The following PDE1C variants were observed in gnomAD, a reference collection of about 807,000 sequenced individuals.
The protein encoded by PDE1C is phosphodiesterase 1C.
Under a neutral mutation model 93.1 loss-of-function variants are expected in PDE1C, and 62 were observed. The observed-to-expected ratio is 0.67, with a 90% confidence interval of 0.54 to 0.82. The LOEUF is 0.82. PDE1C is among the 40% of genes least tolerant of loss of function. PDE1C has a pLI of 0.00. For missense variants in PDE1C, 742 were observed against 884.6 expected (o/e 0.84, Z 2.04); for synonymous variants, 325 against 310.1 (o/e 1.05, Z -0.50).
chr7:32,195,675 G>A lies in PDE1C; in HGVS notation c.136+13814C>T, dbSNP rs1284640436. ...AAAACCAGCCTGGGCAACATAGTGA[G>A]ACCCTGTCTCAAATTTTTAAAAATA... On this transcript the variant is annotated intron_variant, in intron 2 of 18. Transcript: ENST00000396193. Among the ~76,000 whole-genome samples, 6 of 152,266 alleles carry A rather than the reference G, an allele frequency of 3.9e-5. No homozygotes were observed. In the East Asian group the frequency reaches 7.7e-4, roughly 20 times the overall value.
chr7:31,673,672 T>C, the PDE1C span, among the ~76,000 whole-genome samples: 20 of 151,794 alleles, frequency 1.3e-4, no homozygotes, highest in African/African-American at 4.9e-4. Context: ...TTGCCTATTT[T>C]AACCTATCTG....
Position 32,020,106 on chromosome 7 carries a change from G to C in PDE1C, c.128+31448C>G, listed in dbSNP as rs182959299. Among the ~76,000 whole-genome samples, 115 of 152,242 alleles carry C rather than the reference G, an allele frequency of 7.6e-4. 2 individuals carry two copies. The Middle Eastern group carries it at 0.031, about 41-fold the overall frequency. On this transcript the variant is annotated intron_variant, in intron 2 of 17. Coordinates refer to ENST00000396191, the MANE Select transcript of PDE1C (RefSeq NM_001191057.4). ...GGAGAGCCCATGCCGGGATCCCTCA[G>C]GCTCTCAAGTGGTCTCTCTTCTACC...
At chr7:32,248,808 C>T (rs1378429043) in intron 1 of PDE1C, among the ~76,000 whole-genome samples, 2 of 152,222 alleles carry the variant, frequency 1.3e-5, no homozygotes, top group East Asian at 1.9e-4. Flanking sequence ...GAAAAGAAAA[C>T]ATCTGGAGAG....
chr7:32,032,784 A>T (rs540055386), intron 2 of PDE1C, among the ~76,000 whole-genome samples: 1 of 152,086 alleles, frequency 6.6e-6, no homozygotes, highest in South Asian at 2.1e-4. Context: ...TAACCGTTAG[A>T]CATGCAGAAT....
At chr7:32,085,187 C>T (rs941531682) in intron 3 of PDE1C, among the ~76,000 whole-genome samples, 7 of 151,748 alleles carry the variant, frequency 4.6e-5, no homozygotes, top group African/African-American at 1.7e-4. Context: ...ACGGATCCCA[C>T]AGAAATACAA....
chr7:31,942,588 G>C (rs1234789273), intron 2 of PDE1C, among the ~76,000 whole-genome samples: 1 of 152,114 alleles, frequency 6.6e-6, no homozygotes, highest in Non-Finnish European at 1.5e-5. Flanking sequence ...AAGCAAGTGG[G>C]AATGAAAAAC....
At chr7:32,209,967 G>C (rs113050067) in intron 1 of PDE1C, among the ~76,000 whole-genome samples, 2 of 152,200 alleles carry the variant, frequency 1.3e-5, no homozygotes, top group African/African-American at 2.4e-5. Flanking sequence ...AGGATCCATA[G>C]GGGCAAAGCT....
chr7:32,154,235 G>A (rs377715555), intron 3 of PDE1C, among the ~76,000 whole-genome samples: 1 of 151,898 alleles, frequency 6.6e-6, no homozygotes, highest in South Asian at 2.1e-4. Context: ...CTCCACCCTG[G>A]GTGACAGAGC....
At chr7:31,801,901 T>C (rs1012799349) in intron 16 of PDE1C, among the ~76,000 whole-genome samples, 1 of 151,506 alleles carries the variant, frequency 6.6e-6, no homozygotes, top group East Asian at 1.9e-4. Context: ...TATTTGTATA[T>C]GTTTATGCGA....
intron 1 of PDE1C, among the ~76,000 whole-genome samples, chr7:32,265,619 T>C (rs1810516784): frequency 6.6e-6 from 1 of 152,242 alleles, no homozygotes; most frequent in Admixed American, 6.5e-5. Flanking sequence ...GCTAGGCTAC[T>C]TTTTAGTTTC....
intron 1 of PDE1C, among the ~76,000 whole-genome samples, chr7:32,400,426 A>T (rs1433663807): frequency 6.6e-6 from 1 of 151,382 alleles, no homozygotes; most frequent in African/African-American, 2.5e-5. Flanking sequence ...AAAAAAAGAA[A>T]AAAGAAAATG....
At chr7:32,416,271 G>A (rs1288702802) in intron 1 of PDE1C, among the ~76,000 whole-genome samples, 4 of 152,198 alleles carry the variant, frequency 2.6e-5, no homozygotes, top group Non-Finnish European at 4.4e-5. Context: ...CAGAGACTCC[G>A]TGGGTGCTCA....
the PDE1C span, among the ~76,000 whole-genome samples, chr7:31,624,799 G>A: frequency 2.0e-5 from 3 of 152,058 alleles, no homozygotes; most frequent in Non-Finnish European, 4.4e-5. Context: ...AAGAGCTTCT[G>A]CACAGCAAAA....
chr7:32,085,243 G>T (rs1430170048), intron 3 of PDE1C, among the ~76,000 whole-genome samples: 3 of 147,826 alleles, frequency 2.0e-5, no homozygotes, highest in African/African-American at 7.5e-5. Flanking sequence ...AAATAAACTA[G>T]AAAATCTAGA....
chr7:31,687,353 G>C, the PDE1C span: 5 of 152,324 alleles, frequency 3.3e-5, no homozygotes, highest in Admixed American at 1.3e-4. Flanking sequence ...GGTGAGAAAA[G>C]CAAGTTTCCA....
chr7:32,129,600 A>C (rs1799811264), intron 3 of PDE1C, among the ~76,000 whole-genome samples: 2 of 152,064 alleles, frequency 1.3e-5, no homozygotes, highest in South Asian at 4.1e-4. Flanking sequence ...TTATCAAAAG[A>C]AGAAAAGTTC....
chr7:31,867,783 C>G (rs1168432347), intron 6 of PDE1C, among the ~76,000 whole-genome samples: 1 of 151,546 alleles, frequency 6.6e-6, no homozygotes, highest in East Asian at 2.0e-4. Context: ...CTCCCTGGGG[C>G]CCAAGGCATG....
intron 1 of PDE1C, among the ~76,000 whole-genome samples, chr7:32,341,397 G>C (rs1438396116): frequency 6.6e-6 from 1 of 150,538 alleles, no homozygotes; most frequent in Non-Finnish European, 1.5e-5. Context: ...GGATGGTCTC[G>C]ATCTCCTGAC....
intron 1 of PDE1C, among the ~76,000 whole-genome samples, chr7:32,399,866 G>A (rs1342421445): frequency 6.6e-6 from 1 of 152,100 alleles, no homozygotes; most frequent in Admixed American, 6.6e-5. Flanking sequence ...TTACAGGCAT[G>A]AGCCACCACA....
Sources: gnomAD v4.1 joint callset for allele counts (sites outside exome capture counted in the v4.1 genomes callset) on GRCh38, gnomAD v4.1.1 for gene constraint, MANE v1.5 for transcripts, NCBI Gene and HGNC (gene_info 2026-07-23, HGNC 2026-07-21) for gene names.